The following LPP variants were observed in gnomAD, a reference collection of about 807,000 sequenced individuals.
The protein encoded by LPP is LIM domain containing preferred translocation partner in lipoma.
Under a neutral mutation model 60.4 loss-of-function variants are expected in LPP, and 38 were observed. That is an observed-to-expected ratio of 0.63 (90% CI 0.49 to 0.83). The LOEUF is 0.83. Ranked by LOEUF, LPP falls within the 40% of genes least tolerant of loss-of-function variation. LPP has a pLI of 0.00. For synonymous variants in LPP, 328 were observed against 290.8 expected (o/e 1.13, Z -1.30); for missense variants, 902 against 783.6 (o/e 1.15, Z -1.80).
chr3:188,252,433 A>G (rs1169692455), intron 2 of LPP, among the ~76,000 whole-genome samples: 1 of 150,594 alleles, frequency 6.6e-6, no homozygotes, highest in Non-Finnish European at 1.5e-5. Flanking sequence ...TGCAATGAAT[A>G]ACATTATGCA....
intron 2 of LPP, among the ~76,000 whole-genome samples, chr3:188,338,450 C>T (rs951314633): frequency 1.2e-4 from 18 of 152,190 alleles, no homozygotes; most frequent in African/African-American, 3.9e-4. Flanking sequence ...CCTTTTACTA[C>T]TACCTCTGTT....
intron 4 of LPP, among the ~76,000 whole-genome samples, chr3:188,474,107 T>C (rs191441796): frequency 2.0e-5 from 3 of 152,342 alleles, no homozygotes; most frequent in East Asian, 1.9e-4. Flanking sequence ...ATGGGAAAAG[T>C]TCATGTGTTC....
chr3:188,359,739 T>A (rs1230421912), intron 3 of LPP, among the ~76,000 whole-genome samples: 1 of 152,156 alleles, frequency 6.6e-6, no homozygotes, highest in East Asian at 1.9e-4. Flanking sequence ...GCTTTTCCCT[T>A]GTTCCTTTCC....
chr3:188,719,789 A>G (rs1222840385), intron 8 of LPP, among the ~76,000 whole-genome samples: 2 of 152,222 alleles, frequency 1.3e-5, no homozygotes, highest in Non-Finnish European at 2.9e-5. Flanking sequence ...AAACACACAG[A>G]TAAGCATCTC....
At chr3:188,863,964 A>AG (rs1765923890) in intron 9 of LPP, among the ~76,000 whole-genome samples, 1 of 151,676 alleles carries the variant, frequency 6.6e-6, no homozygotes, top group South Asian at 2.1e-4. Flanking sequence ...CTAAAAAAAA[A>AG]AAAAAAAAAG....
At chr3:188,153,193 C>A (rs1453377452), upstream of LPP, 1 of 152,314 alleles carries the variant, frequency 6.6e-6, no homozygotes, top group Non-Finnish European at 1.5e-5. Context: ...TAAAAGGGAG[C>A]CAGGGCCCTT....
chr3:188,371,886 G>A (rs1773371461), intron 3 of LPP, among the ~76,000 whole-genome samples: 3 of 151,224 alleles, frequency 2.0e-5, no homozygotes, highest in Non-Finnish European at 4.4e-5. Flanking sequence ...TTGAACTCCT[G>A]ACCTCAAGTG....
At chr3:188,371,248 A>G (rs1772983614) in intron 3 of LPP, among the ~76,000 whole-genome samples, 1 of 151,974 alleles carries the variant, frequency 6.6e-6, no homozygotes, top group South Asian at 2.1e-4. Flanking sequence ...ATGACCCACT[A>G]TGGGGGTCAT....
chr3:188,154,530 G>A (rs549328614), intron 1 of LPP, among the ~76,000 whole-genome samples: 1 of 152,186 alleles, frequency 6.6e-6, no homozygotes, highest in Non-Finnish European at 1.5e-5. Context: ...GGGCGCCCAG[G>A]GGGCGGGGCC....
chr3:188,381,820 G>T (rs1288439659), intron 3 of LPP, among the ~76,000 whole-genome samples: 1 of 152,088 alleles, frequency 6.6e-6, no homozygotes, highest in East Asian at 1.9e-4. Context: ...AACTGTTGTT[G>T]ATTTAAATTA....
At chr3:188,714,900 A>C (rs543377527) in intron 8 of LPP, among the ~76,000 whole-genome samples, 1 of 152,174 alleles carries the variant, frequency 6.6e-6, no homozygotes, top group South Asian at 2.1e-4. Context: ...GAGGAAAGGG[A>C]GGAAACATAG....
rs772126577 is a variant in LPP at position 188,406,293 on chromosome 3, A to C, written c.173A>C (p.Tyr58Ser). 1.2e-6 allele frequency: 2 copies of C among 1,614,028 alleles called. No homozygotes were observed. The highest frequency in any genetic ancestry group is 2.2e-5 in the South Asian group (2 of 91,056). The change falls in exon 4 of 12, where the codon TAC (tyrosine) becomes TCC (serine). Residue 58 changes from tyrosine to serine, a missense_variant. By Grantham distance (144) the Tyr-to-Ser change is moderately radical. Coordinates refer to ENST00000617246, the MANE Select transcript of LPP (RefSeq NM_001375462.1). Reference protein sequence around the residue: ...VVAPKPKYNPYKQPGGEGDFL... With the variant: ...VVAPKPKYNPSKQPGGEGDFL... ...GCTCCAAAACCTAAGTACAACCCATACAAACAACCTGGAGGTGAGGGTAAG... is the reference window on the plus strand; with the variant it reads ...GCTCCAAAACCTAAGTACAACCCATCCAAACAACCTGGAGGTGAGGGTAAG...
intron 1 of LPP, among the ~76,000 whole-genome samples, chr3:188,220,352 C>T (rs1715319166): frequency 6.6e-6 from 1 of 152,094 alleles, no homozygotes; most frequent in African/African-American, 2.4e-5. Flanking sequence ...ACTTGTCCTC[C>T]CTTACTTGAT....
intron 7 of LPP, among the ~76,000 whole-genome samples, chr3:188,656,035 C>CA (rs902507510): frequency 3.3e-5 from 5 of 150,958 alleles, no homozygotes; most frequent in African/African-American, 4.9e-5. Context: ...ACTAATAATA[C>CA]AAAAAAAATA....
chr3:188,291,315 T>A (rs1029332845), intron 2 of LPP, among the ~76,000 whole-genome samples: 4 of 152,118 alleles, frequency 2.6e-5, no homozygotes, highest in Non-Finnish European at 4.4e-5. Context: ...AAGGCTAAAG[T>A]GTTTTTCATG....
At chr3:188,180,569 T>G (rs1577142046) in intron 1 of LPP, 1 of 154,538 alleles carries the variant, frequency 6.5e-6, no homozygotes, top group African/African-American at 2.4e-5. Context: ...TAGGACCTAG[T>G]CATAGTAACA....
At chr3:188,796,869 A>G (rs1470636793) in intron 9 of LPP, among the ~76,000 whole-genome samples, 1 of 152,144 alleles carries the variant, frequency 6.6e-6, no homozygotes, top group Non-Finnish European at 1.5e-5. Flanking sequence ...CACAGACCCC[A>G]TTGCAGTCCT....
chr3:188,453,446 T>G (rs1728554789), intron 4 of LPP, among the ~76,000 whole-genome samples: 2 of 152,068 alleles, frequency 1.3e-5, no homozygotes, highest in South Asian at 4.1e-4. Flanking sequence ...ATAACAATCT[T>G]GAATGTGTTC....
intron 8 of LPP, among the ~76,000 whole-genome samples, chr3:188,753,772 T>A (rs1729008375): frequency 6.6e-6 from 1 of 152,130 alleles, no homozygotes; most frequent in East Asian, 1.9e-4. Flanking sequence ...TGTTTGAGTG[T>A]GGGTGTGTGT....
Sources: gnomAD v4.1 joint callset for allele counts (sites outside exome capture counted in the v4.1 genomes callset) on GRCh38, gnomAD v4.1.1 for gene constraint, MANE v1.5 for transcripts, NCBI Gene and HGNC (gene_info 2026-07-23, HGNC 2026-07-21) for gene names.